The following PRRC2B variants were observed in gnomAD, a reference collection of about 807,000 sequenced individuals.
PRRC2B encodes proline rich coiled-coil 2B, also known as protein PRRC2B.
Under a neutral mutation model 242.3 loss-of-function variants are expected in PRRC2B, and 68 were observed. That is an observed-to-expected ratio of 0.28 (90% CI 0.23 to 0.34). The LOEUF is 0.34. Among genes scored for constraint, PRRC2B ranks in the 10% least tolerant of loss-of-function variants. PRRC2B has a pLI of 1.00. For synonymous variants in PRRC2B, 1,228 were observed against 1,173.6 expected (o/e 1.05, Z -0.95); for missense variants, 2,835 against 2,954.8 (o/e 0.96, Z 0.94).
At chr9:131,485,966 GC>G in intron 25 of PRRC2B, 118 bp from the exon 26 acceptor site, 1 of 751,482 alleles carries the variant, frequency 1.3e-6, no homozygotes. Context: ...CTGTACACAC[GC>G]CCTCGTCCCC....
intron 11 of PRRC2B, among the ~76,000 whole-genome samples, chr9:131,459,728 G>A (rs980537400): frequency 6.6e-6 from 1 of 151,356 alleles, no homozygotes; most frequent in Non-Finnish European, 1.5e-5. Flanking sequence ...TTGTAGAGAC[G>A]AGGTCTTACT....
chr9:131,399,131 C>G (rs1279066172), intron 1 of PRRC2B, among the ~76,000 whole-genome samples: 1 of 151,074 alleles, frequency 6.6e-6, no homozygotes, highest in East Asian at 1.9e-4. Context: ...CAAAAATTAG[C>G]TGGATGCCGT....
chr9:131,433,104 G>A (rs4740238), intron 3 of PRRC2B, among the ~76,000 whole-genome samples: 12,334 of 152,246 alleles, frequency 0.081, 775 homozygotes, highest in East Asian at 0.22. Context: ...TCACCCCAGA[G>A]GAGCTTATGC....
chr9:131,490,538 T>C (rs1481025205), intron 28 of PRRC2B: 3 of 518,974 alleles, frequency 5.8e-6, no homozygotes, highest in African/African-American at 3.9e-5. Flanking sequence ...GTGGACTCAA[T>C]AGCAGGGAGA....
chr9:131,379,538 G>T (rs1836728422), intron 1 of PRRC2B, among the ~76,000 whole-genome samples: 2 of 152,080 alleles, frequency 1.3e-5, no homozygotes, highest in East Asian at 3.9e-4. Flanking sequence ...TTTCCCTGCT[G>T]GCTGGTGATA....
At position 131,414,509 on chromosome 9, in the gene PRRC2B, G is replaced by A. The variant is rs115038562; in HGVS notation, c.-51-15585G>A. Among the ~76,000 whole-genome samples, 671 of 149,658 alleles carry A rather than the reference G, an allele frequency of 4.5e-3. 9 individuals are homozygous for A. The highest frequency in any genetic ancestry group is 0.016 in the African/African-American group (647 of 40,892). ...ATCCATCCTGTTTGTTCCTCCAGAA[G>A]CCTCTATCCTGTTTTTACCAGGACT... On this transcript the variant is annotated intron_variant, in intron 1 of 31. Transcript: ENST00000683519.
chr9:131,425,404 A>G (rs907208097), intron 1 of PRRC2B, among the ~76,000 whole-genome samples: 1 of 152,056 alleles, frequency 6.6e-6, no homozygotes, highest in Non-Finnish European at 1.5e-5. Flanking sequence ...TGTCCATTCT[A>G]CCCTTTTCCC....
chr9:131,485,066 A>T lies in PRRC2B; in HGVS notation c.5684A>T (p.Asn1895Ile). 1 of 1,608,872 alleles carries T rather than the reference A, an allele frequency of 6.2e-7. No homozygotes were observed. Among genetic ancestry groups the T allele is most frequent in the Non-Finnish European group, 8.5e-7 (1 of 1,177,530 alleles). ...TCTGTGGGTGCCTCCAGCGGGGTCA[A>T]CTACAGCTCCTTCGGTGGAGTGTCC... is the stretch of plus-strand genomic sequence containing the variant. ...PSSVGASSGV[N>I]YSSFGGVSMP... Residue 1895 changes from asparagine (N) to isoleucine (I), a missense_variant, in exon 25 of 32, where the codon AAC becomes ATC. Around this residue, in one of 7 missense-constraint regions of PRRC2B, gnomAD observed 574 missense variants for 626.0 expected, o/e 0.92. Transcript: ENST00000683519.
Position 131,401,760 on chromosome 9 carries a change from A to G in PRRC2B, c.-52+7497A>G, listed in dbSNP as rs139353609. Among the ~76,000 whole-genome samples the G allele has an allele frequency of 9.2e-3, 1,394 of 151,030 alleles. 26 individuals are homozygous for G. The highest frequency in any genetic ancestry group is 0.033 in the African/African-American group (1,344 of 41,032). ...ACTGCAGCCTCTGCTTCCTGGGTTT[A>G]AGAGATTCTCCTGCCTCAGCCTCCC... On this transcript the variant is annotated intron_variant, in intron 1 of 31. Transcript: ENST00000683519.
rs1564296430 is a variant in PRRC2B, at chr9:131,475,398, G to A, written c.3269G>A (p.Gly1090Asp). The A allele has an allele frequency of 1.3e-6, 2 of 1,583,784 alleles. No homozygotes were observed. The highest frequency in any genetic ancestry group is 2.2e-5 in the East Asian group (1 of 44,596). ...GGCGGAAATGGGAGCGGCCTCTGTG[G>A]TGGGGGGGTCCTGGGGGCCCGCAGC... ...PAGGNGSGLCGGGVLGARSIY... is the reference protein window; with the variant it reads ...PAGGNGSGLCDGGVLGARSIY... The change falls in exon 16 of 32, where the codon GGT becomes GAT. Residue 1090 changes from glycine (G) to aspartate (D), a missense_variant. Gly to Asp is a moderately conservative substitution (Grantham distance 94). This residue lies in a region of PRRC2B where 1,536 missense variants were observed against 1,483.1 expected (regional missense o/e 1.04). Coordinates refer to ENST00000683519, the MANE Select transcript of PRRC2B (RefSeq NM_013318.4).
intron 1 of PRRC2B, among the ~76,000 whole-genome samples, chr9:131,403,447 G>A (rs1475523049): frequency 6.6e-6 from 1 of 151,816 alleles, no homozygotes; most frequent in African/African-American, 2.4e-5. Flanking sequence ...CACCTCCCAG[G>A]TTCAAGCAAT....
chr9:131,487,771 G>T lies in PRRC2B; in HGVS notation c.5985-85G>T. The T allele has an allele frequency of 6.6e-7, 1 of 1,522,462 alleles. No homozygotes were observed. 94.3% of individuals were successfully genotyped at this position (1,522,462 alleles called of 1,614,324 possible). On this transcript the variant is annotated intron_variant, in intron 27 of 31. Coordinates refer to ENST00000683519, the MANE Select transcript of PRRC2B (RefSeq NM_013318.4). The surrounding 1 kb of genome is among the most constrained non-coding windows in gnomAD (Gnocchi z 5.3). ...GGGCCGGGGATCTGTGGTTTAGCAA[G>T]CTCTCCGGGGATCTCTGAAGGGTGG...
At chr9:131,486,292 C>A (rs555459566) in intron 26 of PRRC2B, 110 bp downstream of exon 26, 6 of 893,844 alleles carry the variant, frequency 6.7e-6, no homozygotes. Flanking sequence ...TTTCCATCCC[C>A]CTCACATGTG....
intron 1 of PRRC2B, among the ~76,000 whole-genome samples, chr9:131,420,357 G>C (rs1309187207): frequency 6.6e-6 from 1 of 151,882 alleles, no homozygotes; most frequent in Non-Finnish European, 1.5e-5. Flanking sequence ...CAGCTTTCCA[G>C]ATGAGCCAGT....
In PRRC2B at chr9:131,475,991, G is replaced by T. The variant is rs752818835; in HGVS notation, c.3862G>T (p.Val1288Leu). 2 of 1,607,840 alleles carry T rather than the reference G, an allele frequency of 1.2e-6. No homozygotes were observed. Among genetic ancestry groups the T allele is most frequent in the South Asian group, 1.1e-5 (1 of 90,994 alleles). The change falls in exon 16 of 32, where the codon GTG becomes TTG. Residue 1288 changes from valine (V) to leucine (L), a missense_variant. Val to Leu is a conservative substitution (Grantham distance 32, BLOSUM62 1). Coordinates refer to ENST00000683519, the MANE Select transcript of PRRC2B (RefSeq NM_013318.4). The stretch of plus-strand genomic sequence containing the variant: ...GAGATCCTTCTTCCAAGATGAACAC[G>T]TGGCAGATTCTGAAAATGCAGAGAA... ...DKRSFFQDEH[V>L]ADSENAENRP...
In PRRC2B at chr9:131,381,886, C is replaced by T. The variant is rs546232825; in HGVS notation, c.-56+8155C>T. Reference sequence around the variant, plus strand: ...TCCTGCGTCACTGGGACTACGGGCACGTACCACCATGCCTGGCTAATTTTT... The same window carrying T: ...TCCTGCGTCACTGGGACTACGGGCATGTACCACCATGCCTGGCTAATTTTT... On this transcript the variant is annotated intron_variant, in intron 1 of 1. Transcript: ENST00000682525. Among the ~76,000 whole-genome samples the T allele has an allele frequency of 1.0e-3, 158 of 151,534 alleles. 1 individual carries two copies. Among genetic ancestry groups the T allele is most frequent in the Middle Eastern group, 0.01 (3 of 292 alleles).
At chr9:131,398,484 G>A (rs1367434035) in intron 1 of PRRC2B, among the ~76,000 whole-genome samples, 1 of 152,182 alleles carries the variant, frequency 6.6e-6, no homozygotes, top group African/African-American at 2.4e-5. Flanking sequence ...TCTTGTACAG[G>A]ACTTCCTTCC....
At chr9:131,489,673 C>T (rs1944128762) in intron 28 of PRRC2B, among the ~76,000 whole-genome samples, 2 of 152,170 alleles carry the variant, frequency 1.3e-5, no homozygotes, top group African/African-American at 4.8e-5. Flanking sequence ...CTTTCTGTGT[C>T]ACCCAGGAAA....
chr9:131,462,501 A>G (rs954432884), intron 11 of PRRC2B, among the ~76,000 whole-genome samples: 2 of 151,526 alleles, frequency 1.3e-5, no homozygotes, highest in African/African-American at 2.4e-5. Flanking sequence ...GCATGAGCCA[A>G]TGCACCTGGC....
Sources: allele counts gnomAD v4.1 joint callset (sites outside exome capture counted in the v4.1 genomes callset), GRCh38; gene constraint gnomAD v4.1.1; regional missense constraint gnomAD v4.1.1; non-coding constraint Gnocchi (gnomAD v3.1); transcripts MANE v1.5; gene names NCBI Gene and HGNC (gene_info 2026-07-23, HGNC 2026-07-21).